Variants in TM9SF2 observed in about 807,000 individuals in gnomAD.
The protein encoded by TM9SF2 is 76 kDa membrane protein.
In TM9SF2, 13 loss-of-function variants were observed where a neutral mutation model predicts 84.9. The ratio of observed to expected loss-of-function variants is 0.15; its 90% CI spans 0.10 to 0.24. The LOEUF is 0.24. Ranked by LOEUF, TM9SF2 falls within the 10% of genes least tolerant of loss-of-function variation. The pLI is 1.00. For missense variants in TM9SF2, 562 were observed against 818.5 expected (o/e 0.69, Z 3.82); for synonymous variants, 273 against 285.8 (o/e 0.96, Z 0.45).
chr13:99,510,120 G>T (rs1050357601), intron 1 of TM9SF2, among the ~76,000 whole-genome samples: 3 of 152,196 alleles, frequency 2.0e-5, no homozygotes, highest in African/African-American at 7.2e-5. Context: ...TTGCTGAGAC[G>T]TAACACGTGT....
intron 4 of TM9SF2, among the ~76,000 whole-genome samples, chr13:99,535,583 A>G (rs534109633): frequency 9.7e-4 from 148 of 152,320 alleles, no homozygotes; most frequent in Non-Finnish European, 1.6e-3. Context: ...AGTATAGGTG[A>G]TTCTAAAATT....
intron 1 of TM9SF2, among the ~76,000 whole-genome samples, chr13:99,514,587 A>G (rs370721346): frequency 6.6e-6 from 1 of 152,254 alleles, no homozygotes; most frequent in South Asian, 2.1e-4. Context: ...TTCTCCAAAC[A>G]CATCCCTGTC....
At chr13:99,531,397 G>A (rs1016017149) in intron 4 of TM9SF2, among the ~76,000 whole-genome samples, 5 of 152,088 alleles carry the variant, frequency 3.3e-5, no homozygotes, top group Admixed American at 1.3e-4. Flanking sequence ...GTTTGCTCAC[G>A]CCAATAAGGT....
intron 8 of TM9SF2, among the ~76,000 whole-genome samples, chr13:99,541,062 A>G (rs1192989019): frequency 5.3e-5 from 8 of 152,260 alleles, no homozygotes; most frequent in Non-Finnish European, 1.0e-4. Flanking sequence ...TGTCTGGCAC[A>G]TAAGAGTGTT....
intron 9 of TM9SF2, 114 bp downstream of exon 9, chr13:99,541,781 A>C (rs541055423): frequency 1.7e-6 from 1 of 591,084 alleles, no homozygotes; most frequent in Admixed American, 3.8e-5. Flanking sequence ...TCAAAAAACA[A>C]AAACAAAAAC....
intron 7 of TM9SF2, among the ~76,000 whole-genome samples, chr13:99,540,088 G>A (rs9585120): frequency 0.011 from 1,607 of 152,050 alleles, 36 homozygotes; most frequent in African/African-American, 0.037. Context: ...AAGAGTTTCC[G>A]ATTGGGAGAT....
intron 2 of TM9SF2, chr13:99,519,587 T>C (rs2046150236): frequency 6.4e-6 from 1 of 157,116 alleles, no homozygotes; most frequent in Admixed American, 6.2e-5. Flanking sequence ...GCTTCACATA[T>C]TGGGATGTGT....
intron 13 of TM9SF2, 65 bp from the exon 14 acceptor site, chr13:99,554,239 G>A (rs1197636386): frequency 3.2e-6 from 5 of 1,551,196 alleles, no homozygotes; most frequent in Middle Eastern, 1.7e-4. Flanking sequence ...AAATAATCTC[G>A]TGTAGAGAAG....
intron 9 of TM9SF2, among the ~76,000 whole-genome samples, chr13:99,542,706 A>G (rs921841174): frequency 3.3e-5 from 5 of 151,970 alleles, no homozygotes; most frequent in African/African-American, 1.2e-4. Flanking sequence ...ATTTTTATTG[A>G]TTTTATGTCT....
At chr13:99,513,765 A>G (rs1326963831) in intron 1 of TM9SF2, among the ~76,000 whole-genome samples, 1 of 152,236 alleles carries the variant, frequency 6.6e-6, no homozygotes, top group Non-Finnish European at 1.5e-5. Flanking sequence ...GATAATATTT[A>G]GGGATGAGTG....
intron 15 of TM9SF2, 51 bp downstream of exon 15, chr13:99,555,698 C>A: frequency 8.1e-7 from 1 of 1,236,356 alleles, no homozygotes; most frequent in Non-Finnish European, 1.1e-6. Flanking sequence ...GTAACTTTGG[C>A]ATATTGCAAT....
At position 99,522,449 on chromosome 13, in the gene TM9SF2, T is replaced by TG. The variant is rs768211163; in HGVS notation, c.333+2322dup. 3.3e-5 allele frequency among the ~76,000 whole-genome samples: 5 copies of TG among 152,354 alleles called. No individual in the cohort carries two copies. In the East Asian group the frequency reaches 7.7e-4, roughly 23 times the overall value. On this transcript the variant is annotated intron_variant, in intron 3 of 16. Coordinates refer to ENST00000376387, the MANE Select transcript of TM9SF2 (RefSeq NM_004800.3). ...TGAGGAGGAAGGAACTCAAAGTGTA[T>TG]GGACATGGGTGCCATTGAGCAGGGC...
At chr13:99,553,899 G>GTTTAGTAAAGAT (rs2046315497) in intron 13 of TM9SF2, among the ~76,000 whole-genome samples, 1 of 152,116 alleles carries the variant, frequency 6.6e-6, no homozygotes, top group Admixed American at 6.5e-5. Context: ...ATGACATTGC[G>GTTTAGTAAAGAT]CACCTCCAAA....
In TM9SF2 at chr13:99,563,453, A is replaced by G. The variant is rs1312373394; in HGVS notation, c.*695A>G. 1 of 152,214 alleles carries G rather than the reference A, an allele frequency of 6.6e-6. No homozygotes were observed. Among genetic ancestry groups the G allele is most frequent in the Non-Finnish European group, 1.5e-5 (1 of 68,034 alleles). 9.4% of individuals were successfully genotyped at this position (152,214 alleles called of 1,614,324 possible). ...TTCTGTAAATACAGATCTATTTACC[A>G]AGGTGTTTTGAAATGATTTATACTA... On this transcript the variant is annotated 3_prime_UTR_variant, in exon 17 of 17. Coordinates refer to ENST00000376387, the MANE Select transcript of TM9SF2 (RefSeq NM_004800.3).
At chr13:99,544,125 G>A (rs2046272707) in intron 10 of TM9SF2, 130 bp downstream of exon 10, 1 of 979,352 alleles carries the variant, frequency 1.0e-6, no homozygotes, top group Non-Finnish European at 1.5e-6. Flanking sequence ...GCCAAGGCGG[G>A]TGGATGACAA....
At chr13:99,556,112 A>AATC (rs1437287847) in intron 15 of TM9SF2, among the ~76,000 whole-genome samples, 1 of 152,208 alleles carries the variant, frequency 6.6e-6, no homozygotes, top group Non-Finnish European at 1.5e-5. Context: ...CCAAAATGAT[A>AATC]GTATCCTTAT....
rs763482016 is a variant in TM9SF2, at chr13:99,552,185, C to G, written c.1347C>G (p.Phe449Leu). ...FLCPGIVFAD[F>L]FIMNLILWGE... ...CTTTCAGGATTGTATTTGCTGACTT[C>G]TTTATAATGAATCTGATCCTCTGGG... Residue 449 changes from phenylalanine to leucine, a missense_variant, in exon 13 of 17, where the codon TTC (phenylalanine) becomes TTG (leucine). Phe to Leu is a conservative substitution (Grantham distance 22). Coordinates refer to ENST00000376387, the MANE Select transcript of TM9SF2 (RefSeq NM_004800.3). 6.2e-7 allele frequency: 1 copy of G among 1,613,796 alleles called. No homozygotes were observed. Among genetic ancestry groups the G allele is most frequent in the Non-Finnish European group, 8.5e-7 (1 of 1,179,912 alleles).
rs1039843111 is a variant in TM9SF2, at chr13:99,501,526, TGTA to T, written c.-78_-76del. 132 of 1,527,962 alleles carry T rather than the reference TGTA, an allele frequency of 8.6e-5. No homozygotes were observed. The highest frequency in any genetic ancestry group is 1.0e-4 in the Non-Finnish European group (117 of 1,133,348). The allele number at this position is 1,527,962 out of a possible 1,614,324, so 94.7% of individuals were successfully genotyped here. A position where few individuals can be genotyped will look rare whatever the true frequency, so the allele number is the denominator to read the frequency against. On this transcript the variant is annotated 5_prime_UTR_variant, in exon 1 of 17. Transcript: ENST00000376387. ...CGGCTTCCTTTATCTCTGGCGGCCT[TGTA>T]GTCGTCTCCGAGACTCCCCACCCCT...
In TM9SF2 at chr13:99,517,650, G is replaced by T; in HGVS notation, c.208G>T (p.Val70Leu). The part of the protein sequence containing the change: ...IELFVNRLDS[V>L]ESVLPYEYTA... ...ACTATTTGTGAACAGACTTGATTCA[G>T]TGGAATCAGTTCTTCCTTATGAATA... Residue 70 changes from valine (V) to leucine (L), a missense_variant, in exon 2 of 17, where the codon GTG becomes TTG. Coordinates refer to ENST00000376387, the MANE Select transcript of TM9SF2 (RefSeq NM_004800.3). The T allele has an allele frequency of 6.3e-7, 1 of 1,588,788 alleles. No individual in the cohort carries two copies. The highest frequency in any genetic ancestry group is 8.6e-7 in the Non-Finnish European group (1 of 1,169,270).
Sources: allele counts gnomAD v4.1 joint callset (sites outside exome capture counted in the v4.1 genomes callset), GRCh38; gene constraint gnomAD v4.1.1; transcripts MANE v1.5; gene names NCBI Gene and HGNC (gene_info 2026-07-23, HGNC 2026-07-21).